Variants in KLHL29 observed in about 807,000 individuals in gnomAD.
KLHL29 encodes kelch-like protein 29.
A neutral mutation model predicts 80.4 loss-of-function variants in KLHL29; 21 were observed. The observed-to-expected ratio is 0.26, with a 90% CI of 0.19 to 0.38. The LOEUF is 0.38. KLHL29 is among the 10% of genes least tolerant of loss of function. KLHL29 has a pLI of 1.00. For missense variants in KLHL29, 867 were observed against 1,223.9 expected, an observed-to-expected ratio of 0.71 and a Z score of 4.35; for synonymous variants, 511 against 526.8, an observed-to-expected ratio of 0.97 and a Z score of 0.41.
chr2:23,435,788 C>T (rs1268034496), intron 1 of KLHL29, among the ~76,000 whole-genome samples: 1 of 152,050 alleles, frequency 6.6e-6, no homozygotes, highest in Non-Finnish European at 1.5e-5. Context: ...TCCTTATTGT[C>T]AGTTGCCTCA....
At position 23,654,701 on chromosome 2, in the gene KLHL29, G is replaced by GA. The variant is rs367717057; in HGVS notation, c.940+11851_940+11852insA. On this transcript the variant is annotated intron_variant, in intron 5 of 13. Coordinates refer to ENST00000486442, the MANE Select transcript of KLHL29 (RefSeq NM_052920.2). ...TTCCAGAAGGGAACAGAGGTTGGGG[G>GA]GGGGGGGTGGATGTTTTGTATGTGC... is the stretch of plus-strand genomic sequence containing the variant. Among the ~76,000 whole-genome samples, 192 of 118,068 alleles carry GA rather than the reference G, an allele frequency of 1.6e-3. 13 individuals carry two copies. The highest frequency in any genetic ancestry group is 5.0e-3 in the African/African-American group (186 of 37,148). 77.5% of individuals were successfully genotyped at this position (118,068 alleles called of 152,430 possible). A position where few individuals can be genotyped will look rare whatever the true frequency, so the allele number is the denominator to read the frequency against.
chr2:23,468,126 T>G (rs1212408001), intron 1 of KLHL29, among the ~76,000 whole-genome samples: 1 of 152,144 alleles, frequency 6.6e-6, no homozygotes, highest in Admixed American at 6.5e-5. Flanking sequence ...CATCGATGTT[T>G]AGTGGTATCA....
At chr2:23,471,965 A>G (rs911880351) in intron 1 of KLHL29, among the ~76,000 whole-genome samples, 2 of 152,092 alleles carry the variant, frequency 1.3e-5, no homozygotes, top group African/African-American at 2.4e-5. Flanking sequence ...CATGTATCTC[A>G]TTAGAGTGGG....
intron 1 of KLHL29, among the ~76,000 whole-genome samples, chr2:23,390,845 G>A: frequency 6.6e-6 from 1 of 151,838 alleles, no homozygotes; most frequent in South Asian, 2.1e-4. Flanking sequence ...GTAGAGACGG[G>A]GTTTCACCAT....
chr2:23,483,173 G>C (rs1664846643), intron 2 of KLHL29, among the ~76,000 whole-genome samples: 1 of 152,158 alleles, frequency 6.6e-6, no homozygotes, highest in African/African-American at 2.4e-5. Context: ...AAAAACCCCT[G>C]ACCCAGAGCA....
chr2:23,500,115 T>C (rs1665396968), intron 2 of KLHL29, among the ~76,000 whole-genome samples: 2 of 152,164 alleles, frequency 1.3e-5, no homozygotes, highest in African/African-American at 4.8e-5. Context: ...AAAGTAGATA[T>C]TCTCCCCAGC....
In KLHL29 at chr2:23,523,885, G is replaced by C. The variant is rs943767675; in HGVS notation, c.-45-38267G>C. 28 of 432,128 alleles carry C rather than the reference G, an allele frequency of 6.5e-5. 1 individual carries two copies. In the East Asian group the frequency reaches 1.9e-3, roughly 29 times the overall value. 26.8% of individuals were successfully genotyped at this position (432,128 alleles called of 1,614,324 possible). ...GATTATTTGCTGTTTGTACTGCTTGGACTTGGCACGCTTCTACAATTCCTT... is the reference window on the plus strand; with the variant it reads ...GATTATTTGCTGTTTGTACTGCTTGCACTTGGCACGCTTCTACAATTCCTT... On this transcript the variant is annotated intron_variant, in intron 2 of 13. Transcript: ENST00000486442.
intron 2 of KLHL29, among the ~76,000 whole-genome samples, chr2:23,556,213 C>T (rs1178725355): frequency 6.6e-6 from 1 of 152,154 alleles, no homozygotes; most frequent in African/African-American, 2.4e-5. Flanking sequence ...TGTGCAGTGT[C>T]CAGGCTCCAG....
chr2:23,509,472 TTTAA>T (rs1665706016), intron 2 of KLHL29, among the ~76,000 whole-genome samples: 1 of 152,136 alleles, frequency 6.6e-6, no homozygotes, highest in Admixed American at 6.5e-5. Flanking sequence ...GGATGGTATA[TTTAA>T]TTAAATATCG....
At chr2:23,593,110 G>A (rs1430213696) in intron 3 of KLHL29, among the ~76,000 whole-genome samples, 3 of 152,196 alleles carry the variant, frequency 2.0e-5, no homozygotes, top group Non-Finnish European at 4.4e-5. Flanking sequence ...CCTTTGGGAA[G>A]GGGGCCACCC....
chr2:23,625,977 G>T (rs1440381824), intron 3 of KLHL29, among the ~76,000 whole-genome samples: 1 of 152,192 alleles, frequency 6.6e-6, no homozygotes, highest in Non-Finnish European at 1.5e-5. Flanking sequence ...GATCTCAGAG[G>T]TCCCAGCCTC....
chr2:23,423,717 C>T (rs1470290990), intron 1 of KLHL29, among the ~76,000 whole-genome samples: 1 of 152,052 alleles, frequency 6.6e-6, no homozygotes, highest in African/African-American at 2.4e-5. Context: ...TGTGGGATCT[C>T]GCTGGTCCTC....
chr2:23,693,628 C>T lies in KLHL29; in HGVS notation c.1542+100C>T, dbSNP rs1361233397. 6 of 1,228,454 alleles carry T rather than the reference C, an allele frequency of 4.9e-6. No homozygotes were observed. The East Asian group carries it at 1.3e-4, about 26-fold the overall frequency. 76.1% of individuals were successfully genotyped at this position (1,228,454 alleles called of 1,614,324 possible). A position where few individuals can be genotyped will look rare whatever the true frequency, so the allele number is the denominator to read the frequency against. On this transcript the variant is annotated intron_variant, in intron 8 of 13. Transcript: ENST00000486442. ...GAGGAAGGAAGTGAACCTTCCTTGTCCTGCTCTCCCTAAGTGGCAGAGAGG... is the reference window on the plus strand; with the variant it reads ...GAGGAAGGAAGTGAACCTTCCTTGTTCTGCTCTCCCTAAGTGGCAGAGAGG...
intron 2 of KLHL29, among the ~76,000 whole-genome samples, chr2:23,505,938 A>G (rs1179101236): frequency 6.6e-6 from 1 of 152,166 alleles, no homozygotes; most frequent in Non-Finnish European, 1.5e-5. Flanking sequence ...TGTTCCGTCT[A>G]TCACTGCCAA....
chr2:23,498,362 G>A (rs1665331332), intron 2 of KLHL29, among the ~76,000 whole-genome samples: 1 of 152,196 alleles, frequency 6.6e-6, no homozygotes, highest in East Asian at 1.9e-4. Context: ...CGAGTGGGCT[G>A]GAGGCTGCGG....
rs181524185 is a variant in KLHL29 at position 23,593,937 on chromosome 2, G to A, written c.285+31456G>A. 4.0e-3 allele frequency among the ~76,000 whole-genome samples: 612 copies of A among 152,214 alleles called. 7 individuals are homozygous for A. The highest frequency in any genetic ancestry group is 0.014 in the African/African-American group (575 of 41,540). ...TCCCTCCCTGATTACACAGAGCCCG[G>A]GCCTGGGAGAAGGGTCTGATCATTT... On this transcript the variant is annotated intron_variant, in intron 3 of 13. Transcript: ENST00000486442.
rs113946629 is a variant in KLHL29, at chr2:23,641,662, A to T, written c.428-676A>T. Among the ~76,000 whole-genome samples the T allele has an allele frequency of 1.6e-3, 238 of 152,348 alleles. 1 individual carries two copies. Among genetic ancestry groups the T allele is most frequent in the African/African-American group, 5.4e-3 (224 of 41,574 alleles). On this transcript the variant is annotated intron_variant, in intron 4 of 13. Transcript: ENST00000486442. ...AGTCCCCTGAGGTAGGATTTAACAG[A>T]TGAGAAGAATGAGGCTCAGAGGAAA... is the stretch of plus-strand genomic sequence containing the variant.
rs1664092123 is a variant in KLHL29, at chr2:23,457,579, T to A, written c.-153-17981T>A. Reference sequence around the variant, plus strand: ...ATTCCCTGTTCTGCTTTTAGGAGTGTCACAAGGATTGTAACAGCGTCCCAC... The same window carrying A: ...ATTCCCTGTTCTGCTTTTAGGAGTGACACAAGGATTGTAACAGCGTCCCAC... On this transcript the variant is annotated intron_variant, in intron 1 of 13. Coordinates refer to ENST00000486442, the MANE Select transcript of KLHL29 (RefSeq NM_052920.2). This position sits in a 1 kb window ranked among gnomAD's most constrained non-coding sequence, Gnocchi z 4.3. Among the ~76,000 whole-genome samples the A allele has an allele frequency of 6.6e-6, 1 of 152,106 alleles. No individual in the cohort carries two copies. The highest frequency in any genetic ancestry group is 6.5e-5 in the Admixed American group (1 of 15,276).
At chr2:23,478,087 C>CA (rs1356433123) in intron 2 of KLHL29, among the ~76,000 whole-genome samples, 1 of 152,140 alleles carries the variant, frequency 6.6e-6, no homozygotes, top group African/African-American at 2.4e-5. Context: ...TGCCCCCAGA[C>CA]CAGGGTCCCT....
Sources: gnomAD v4.1 joint callset for allele counts (sites outside exome capture counted in the v4.1 genomes callset) on GRCh38, gnomAD v4.1.1 for gene constraint, Gnocchi (gnomAD v3.1) non-coding constraint, MANE v1.5 for transcripts, NCBI Gene and HGNC (gene_info 2026-07-23, HGNC 2026-07-21) for gene names.